Variants in KIFC3 observed in about 807,000 individuals in gnomAD.
KIFC3 encodes the protein kinesin family member C3.
KIFC3 carries 60 observed loss-of-function variants against 101.8 expected under a neutral mutation model. The observed-to-expected ratio is 0.59, with a 90% confidence interval of 0.48 to 0.73. The LOEUF is 0.73. Ranked by LOEUF, KIFC3 falls within the 30% of genes least tolerant of loss-of-function variation. The pLI is 0.00. For synonymous variants in KIFC3, 476 were observed against 482.7 expected, an observed-to-expected ratio of 0.99 and a Z score of 0.18; for missense variants, 966 against 1,137.1, an observed-to-expected ratio of 0.85 and a Z score of 2.16.
At chr16:57,781,948 A>T in intron 3 of KIFC3, 2 of 985,500 alleles carry the variant, frequency 2.0e-6, no homozygotes, top group Non-Finnish European at 2.4e-6. Flanking sequence ...TTGCAGGAAC[A>T]GCAGTGTGAG....
intron 3 of KIFC3, among the ~76,000 whole-genome samples, chr16:57,794,497 A>C (rs1470799681): frequency 1.3e-5 from 2 of 152,138 alleles, no homozygotes; most frequent in Admixed American, 6.5e-5. Context: ...AAGTGGTGAG[A>C]TTACAGGCCT....
At chr16:57,826,187 A>G (rs1555630748) in intron 1 of KIFC3, among the ~76,000 whole-genome samples, 1 of 152,154 alleles carries the variant, frequency 6.6e-6, no homozygotes, top group East Asian at 1.9e-4. Flanking sequence ...TTCCCCCACC[A>G]TGGGAGTCCA....
chr16:57,766,334 T>C (rs1236785819), intron 10 of KIFC3, among the ~76,000 whole-genome samples: 1 of 152,180 alleles, frequency 6.6e-6, no homozygotes, highest in African/African-American at 2.4e-5. Flanking sequence ...CACTTGCCTG[T>C]CCCATACCCA....
At chr16:57,862,716 GC>G (rs1472578509) in intron 1 of KIFC3, 1 of 1,236,850 alleles carries the variant, frequency 8.1e-7, no homozygotes, top group African/African-American at 1.5e-5. Context: ...CCCCAACCCA[GC>G]CAGGCCCTTA....
At chr16:57,815,347 T>C in intron 1 of KIFC3, 1 of 931,134 alleles carries the variant, frequency 1.1e-6, no homozygotes, top group Non-Finnish European at 1.4e-6. Context: ...GGGTTGCTTC[T>C]GTTAGCTCAA....
rs2054462427 is a variant in KIFC3 at position 57,797,842 on chromosome 16, G to A, written c.172+230C>T. ...TGCTCTGTGCCCGACCCGTGTTAAA[G>A]TTTAACCCGGCTTCCAGGTCTCCTC... On this transcript the variant is annotated intron_variant, in intron 2 of 19. Transcript: ENST00000445690. 9.0e-6 allele frequency: 13 copies of A among 1,442,176 alleles called. No homozygotes were observed. In the Middle Eastern group the frequency reaches 7.8e-4, roughly 86 times the overall value. 89.3% of individuals were successfully genotyped at this position (1,442,176 alleles called of 1,614,324 possible). A position where few individuals can be genotyped will look rare whatever the true frequency, so the allele number is the denominator to read the frequency against.
intron 1 of KIFC3, among the ~76,000 whole-genome samples, chr16:57,818,944 A>G (rs2055291145): frequency 1.3e-5 from 2 of 152,194 alleles, no homozygotes; most frequent in African/African-American, 4.8e-5. Flanking sequence ...GAGCAGTGAC[A>G]ATGTGGAGAA....
intron 1 of KIFC3, among the ~76,000 whole-genome samples, chr16:57,837,293 C>A (rs576541521): frequency 1.3e-5 from 2 of 152,022 alleles, no homozygotes; most frequent in African/African-American, 4.8e-5. Context: ...CATGGCGAAA[C>A]CCCGTCTCTA....
chr16:57,844,323 G>C (rs926332871), intron 1 of KIFC3, among the ~76,000 whole-genome samples: 2 of 151,738 alleles, frequency 1.3e-5, no homozygotes, highest in Non-Finnish European at 2.9e-5. Flanking sequence ...CCAGCTACTC[G>C]GGAGGGTGAG....
chr16:57,787,891 G>C (rs1555618473), intron 3 of KIFC3, among the ~76,000 whole-genome samples: 1 of 152,232 alleles, frequency 6.6e-6, no homozygotes, highest in Non-Finnish European at 1.5e-5. Context: ...TTTGGCAATG[G>C]AGGAGGAAGA....
At position 57,772,266 on chromosome 16, in the gene KIFC3, A is replaced by G. The variant is rs1394514564; in HGVS notation, c.338T>C (p.Leu113Pro). ...TLQVEHLKEK[L>P]ISQAQEVSRL... ...GCTCACTTCCTGGGCCTGGCTAATG[A>G]GCTTCTCCTTCAGGTGTTCTACCTG... The change falls in exon 4 of 20, where the codon CTC becomes CCC. Residue 113 changes from leucine to proline, a missense_variant. Around this residue, in one of 2 missense-constraint regions of KIFC3, gnomAD observed 277 missense variants for 252.5 expected, o/e 1.10. Coordinates refer to ENST00000445690, the MANE Select transcript of KIFC3 (RefSeq NM_001130100.2). 6.2e-7 allele frequency: 1 copy of G among 1,613,672 alleles called. No individual in the cohort carries two copies. The highest frequency in any genetic ancestry group is 8.5e-7 in the Non-Finnish European group (1 of 1,179,862).
At chr16:57,759,691 G>A in intron 18 of KIFC3, 37 bp downstream of exon 18, 1 of 1,514,686 alleles carries the variant, frequency 6.6e-7, no homozygotes, top group Non-Finnish European at 9.1e-7. Context: ...TATTACCCTG[G>A]GGAGACTCCC....
intron 1 of KIFC3, among the ~76,000 whole-genome samples, chr16:57,857,814 C>G (rs1407072165): frequency 2.0e-5 from 2 of 100,646 alleles, no homozygotes; most frequent in Admixed American, 2.5e-4. Flanking sequence ...TTCTTTCTTT[C>G]TTTCTTTCTT....
upstream of KIFC3, chr16:57,802,960 C>A: frequency 6.5e-7 from 1 of 1,535,360 alleles, no homozygotes. This position sits in a 1 kb window ranked among gnomAD's most constrained non-coding sequence, Gnocchi z 5.0. Context: ...CTCTTACTCA[C>A]GAGACAATAC....
intron 3 of KIFC3, 128 bp from the exon 4 acceptor site, chr16:57,772,416 C>G: frequency 1.4e-6 from 1 of 713,826 alleles, no homozygotes; most frequent in Non-Finnish European, 2.3e-6. Context: ...GCCTTAGGTT[C>G]CCCTATGTTC....
intron 1 of KIFC3, among the ~76,000 whole-genome samples, chr16:57,840,589 C>T (rs140234666): frequency 0.022 from 3,384 of 151,924 alleles, 86 homozygotes; most frequent in African/African-American, 0.053. Flanking sequence ...GGGGAAACCC[C>T]GTCTCTACTA....
In KIFC3 at chr16:57,769,766, G is replaced by C; in HGVS notation, c.1088-41C>G. The C allele has an allele frequency of 2.5e-6, 4 of 1,612,540 alleles. No homozygotes were observed. The highest frequency in any genetic ancestry group is 3.4e-6 in the Non-Finnish European group (4 of 1,179,608). ...GGCTGTGAGGCGGGAGGGGATGAGG[G>C]GCCGCGGCGTGGGGCAGACAGGGCC... On this transcript the variant is annotated intron_variant, in intron 8 of 19. Coordinates refer to ENST00000445690, the MANE Select transcript of KIFC3 (RefSeq NM_001130100.2). This position sits in a 1 kb window ranked among gnomAD's most constrained non-coding sequence, Gnocchi z 4.3.
chr16:57,848,674 C>G (rs1412735264), intron 1 of KIFC3, among the ~76,000 whole-genome samples: 1 of 152,124 alleles, frequency 6.6e-6, no homozygotes, highest in Admixed American at 6.6e-5. Flanking sequence ...ATCTCCGATT[C>G]TGTGTGCAGA....
chr16:57,856,969 T>C (rs1445100683), intron 1 of KIFC3, among the ~76,000 whole-genome samples: 1 of 152,196 alleles, frequency 6.6e-6, no homozygotes, highest in Non-Finnish European at 1.5e-5. Flanking sequence ...TTCAAGAAGA[T>C]ATAACACCAG....
Sources: gnomAD v4.1 joint callset for allele counts (sites outside exome capture counted in the v4.1 genomes callset) on GRCh38, gnomAD v4.1.1 for gene constraint, gnomAD v4.1.1 regional missense constraint, Gnocchi (gnomAD v3.1) non-coding constraint, MANE v1.5 for transcripts, NCBI Gene and HGNC (gene_info 2026-07-23, HGNC 2026-07-21) for gene names.